PHC3: variants seen among roughly 807,000 people sequenced by gnomAD.
PHC3 encodes polyhomeotic-like protein 3.
In PHC3, 13 loss-of-function variants were observed where a neutral mutation model predicts 107.4. The ratio of observed to expected loss-of-function variants is 0.12; its 90% CI spans 0.08 to 0.19. PHC3 has a LOEUF of 0.19. Ranked by LOEUF, PHC3 falls within the 10% of genes least tolerant of loss-of-function variation. PHC3 has a pLI of 1.00. For synonymous variants in PHC3, 456 were observed against 427.4 expected (o/e 1.07, Z -0.83); for missense variants, 992 against 1,210.9 (o/e 0.82, Z 2.68).
intron 2 of PHC3, among the ~76,000 whole-genome samples, chr3:170,177,321 C>T (rs1441615598): frequency 2.0e-5 from 3 of 152,170 alleles, no homozygotes. Flanking sequence ...TTTCTTTACA[C>T]ATAATCCTAT....
At chr3:170,133,552 T>C (rs141282795) in intron 7 of PHC3, among the ~76,000 whole-genome samples, 63 of 152,340 alleles carry the variant, frequency 4.1e-4, no homozygotes, top group African/African-American at 1.3e-3. Context: ...ATAGAAGATA[T>C]GAATGGCTTT....
In PHC3 at chr3:170,102,952, G is replaced by A. The variant is rs1369173876; in HGVS notation, c.2469-18C>T. 6 of 1,594,046 alleles carry A rather than the reference G, an allele frequency of 3.8e-6. No individual in the cohort carries two copies. In the South Asian group the frequency reaches 6.7e-5, roughly 18 times the overall value. ...CATTGTACCTAAGAAATTCAAGAAA[G>A]AAAAAATATTTAATGATATATGGGA... On this transcript the variant is annotated intron_variant, in intron 12 of 14. Coordinates refer to ENST00000495893, the MANE Select transcript of PHC3 (RefSeq NM_024947.4).
intron 7 of PHC3, among the ~76,000 whole-genome samples, chr3:170,134,528 A>C (rs890359280): frequency 6.6e-6 from 1 of 152,140 alleles, no homozygotes; most frequent in African/African-American, 2.4e-5. Flanking sequence ...ATCAAAGCCT[A>C]CTTACATAAG....
intron 5 of PHC3, chr3:170,147,499 A>G (rs1304410275): frequency 1.3e-5 from 2 of 152,220 alleles, no homozygotes; most frequent in African/African-American, 4.8e-5. Context: ...AGATCAAAAC[A>G]ATATTCATTT....
At position 170,149,342 on chromosome 3, in the gene PHC3, C is replaced by T. The variant is rs968069860; in HGVS notation, c.415-98G>A. On this transcript the variant is annotated intron_variant, in intron 4 of 14. Coordinates refer to ENST00000495893, the MANE Select transcript of PHC3 (RefSeq NM_024947.4). ...GCAGTTAGGCAATCAATGGTATAAA[C>T]TGTGGCTAAGGAACCCAAAGGAGAA... is the stretch of plus-strand genomic sequence containing the variant. 4 of 1,239,084 alleles carry T rather than the reference C, an allele frequency of 3.2e-6. No individual in the cohort carries two copies. In the African/African-American group the frequency reaches 6.0e-5, roughly 19 times the overall value. 76.8% of individuals were successfully genotyped at this position (1,239,084 alleles called of 1,614,324 possible).
intron 2 of PHC3, among the ~76,000 whole-genome samples, chr3:170,173,521 T>C (rs991819830): frequency 2.6e-5 from 4 of 152,198 alleles, no homozygotes; most frequent in Non-Finnish European, 4.4e-5. Flanking sequence ...TGCTGTCCTA[T>C]ACAGTAACAA....
At chr3:170,168,027 T>C (rs1050053004) in intron 4 of PHC3, among the ~76,000 whole-genome samples, 2 of 151,886 alleles carry the variant, frequency 1.3e-5, no homozygotes, top group Non-Finnish European at 2.9e-5. Context: ...CCAGGCATAG[T>C]GGTGTGCGCC....
At chr3:170,118,999 T>C (rs1023026955) in intron 9 of PHC3, among the ~76,000 whole-genome samples, 9 of 147,412 alleles carry the variant, frequency 6.1e-5, no homozygotes, top group African/African-American at 2.3e-4. Flanking sequence ...GGAAAACCTG[T>C]TTAAAGTCAC....
chr3:170,129,643 G>A, intron 7 of PHC3, 91 bp from the exon 8 acceptor site: 1 of 1,229,408 alleles, frequency 8.1e-7, no homozygotes, highest in South Asian at 1.5e-5. Context: ...ATTATCAGAA[G>A]GTCATAATCA....
chr3:170,151,885 A>G (rs1399198437), intron 4 of PHC3, among the ~76,000 whole-genome samples: 1 of 152,194 alleles, frequency 6.6e-6, no homozygotes, highest in Non-Finnish European at 1.5e-5. Context: ...GACACTTGTT[A>G]AACTGAATGG....
intron 7 of PHC3, among the ~76,000 whole-genome samples, chr3:170,129,802 C>A (rs1038791359): frequency 6.6e-6 from 1 of 152,042 alleles, no homozygotes; most frequent in African/African-American, 2.4e-5. Flanking sequence ...CTGGTTCAAG[C>A]GATTCTCCTG....
chr3:170,113,418 A>G lies in PHC3; in HGVS notation c.2295T>C (p.Asn765=). ...NSVCVQPELQ[N]NTKHADNSSD... ...ATGAATTATCCGCATGTTTTGTATTATTCTGTAGCTCTGGCTGAACACACA... is the reference window on the plus strand; with the variant it reads ...ATGAATTATCCGCATGTTTTGTATTGTTCTGTAGCTCTGGCTGAACACACA... The change falls in exon 11 of 15, where the codon AAT becomes AAC. Residue 765 remains asparagine (N), a synonymous_variant. Coordinates refer to ENST00000495893, the MANE Select transcript of PHC3 (RefSeq NM_024947.4). 6.2e-7 allele frequency: 1 copy of G among 1,613,224 alleles called. No homozygotes were observed.
intron 10 of PHC3, 22 bp downstream of exon 10, chr3:170,117,204 C>A (rs767249813): frequency 6.2e-7 from 1 of 1,613,738 alleles, no homozygotes; most frequent in South Asian, 1.1e-5. Context: ...CAAACACACA[C>A]ACAAATATGC....
chr3:170,126,522 A>ATT (rs1448527939), intron 8 of PHC3, among the ~76,000 whole-genome samples: 877 of 80,334 alleles, frequency 0.011, 3 homozygotes, highest in Non-Finnish European at 0.016. Flanking sequence ...ATATATATAT[A>ATT]TATATATTTT....
chr3:170,164,235 G>A (rs1299818179), intron 4 of PHC3, among the ~76,000 whole-genome samples: 2 of 152,112 alleles, frequency 1.3e-5, no homozygotes, highest in African/African-American at 2.4e-5. Context: ...ATACAGGAGA[G>A]CTTTAAACAA....
chr3:170,155,902 G>A (rs1222850294), intron 4 of PHC3, among the ~76,000 whole-genome samples: 1 of 151,948 alleles, frequency 6.6e-6, no homozygotes, highest in Non-Finnish European at 1.5e-5. Context: ...AGTAAAATCC[G>A]GGATTACTTT....
intron 4 of PHC3, among the ~76,000 whole-genome samples, chr3:170,165,753 CAAA>C (rs1201987701): frequency 1.7e-3 from 71 of 41,108 alleles, no homozygotes; most frequent in African/African-American, 4.8e-3. Context: ...GACCTTGTCT[CAAA>C]AAAAAAAAAA....
chr3:170,130,293 A>G (rs1722044326), intron 7 of PHC3, among the ~76,000 whole-genome samples: 2 of 152,106 alleles, frequency 1.3e-5, no homozygotes, highest in South Asian at 4.1e-4. Context: ...TAAAATAAAG[A>G]TCTCATCCTT....
chr3:170,157,869 A>G (rs920221831), intron 4 of PHC3, among the ~76,000 whole-genome samples: 2 of 151,752 alleles, frequency 1.3e-5, no homozygotes, highest in African/African-American at 4.8e-5. Context: ...AACTAAAAAT[A>G]TATACAAATA....
Sources: allele counts gnomAD v4.1 joint callset (sites outside exome capture counted in the v4.1 genomes callset), GRCh38; gene constraint gnomAD v4.1.1; transcripts MANE v1.5; gene names NCBI Gene and HGNC (gene_info 2026-07-23, HGNC 2026-07-21).